ZC3H6: variants seen among roughly 807,000 people sequenced by gnomAD.
ZC3H6 encodes the protein zinc finger CCCH domain-containing protein 6.
In ZC3H6, 40 loss-of-function variants were observed where a neutral mutation model predicts 107.7. The observed-to-expected ratio is 0.37, with a 90% CI of 0.29 to 0.48. The LOEUF (loss-of-function observed/expected upper bound fraction) is 0.48, where lower values mean the gene tolerates loss of function less well. Ranked by LOEUF, ZC3H6 falls within the 20% of genes least tolerant of loss-of-function variation. ZC3H6 has a pLI of 0.98. For missense variants in ZC3H6, 1,267 were observed against 1,410.4 expected (o/e 0.90, Z 1.63); for synonymous variants, 493 against 487.9 (o/e 1.01, Z -0.14).
In ZC3H6 at chr2:112,335,964, G is replaced by A. The variant is rs1431552395; in HGVS notation, c.*3476G>A. The A allele has an allele frequency of 6.6e-6, 1 of 152,140 alleles. No individual in the cohort carries two copies. Among genetic ancestry groups the A allele is most frequent in the Non-Finnish European group, 1.5e-5 (1 of 68,036 alleles). The allele number at this position is 152,140 out of a possible 1,614,324, so 9.4% of individuals were successfully genotyped here. A position where few individuals can be genotyped will look rare whatever the true frequency, so the allele number is the denominator to read the frequency against. On this transcript the variant is annotated 3_prime_UTR_variant, in exon 12 of 12. Coordinates refer to ENST00000409871, the MANE Select transcript of ZC3H6 (RefSeq NM_198581.3). ...GCTATGACAGTTCATGGTGCATGGT[G>A]TGTTTGTTTAAATCATAGCATGTTT...
Position 112,335,405 on chromosome 2 carries a change from A to G in ZC3H6, c.*2917A>G, listed in dbSNP as rs1677121747. The stretch of plus-strand genomic sequence containing the variant: ...AGTAGTAAATCCTGTGTGAACTTTT[A>G]GCTCAGCTACTCTGCTGAATTAATT... On this transcript the variant is annotated 3_prime_UTR_variant, in exon 12 of 12. Coordinates refer to ENST00000409871, the MANE Select transcript of ZC3H6 (RefSeq NM_198581.3). 5 of 152,298 alleles carry G rather than the reference A, an allele frequency of 3.3e-5. No individual in the cohort carries two copies. The South Asian group carries it at 1.0e-3, about 32-fold the overall frequency. The allele number at this position is 152,298 out of a possible 1,614,324, so 9.4% of individuals were successfully genotyped here.
chr2:112,336,259 C>T lies in ZC3H6; in HGVS notation c.*3771C>T, dbSNP rs971385080. On this transcript the variant is annotated 3_prime_UTR_variant, in exon 12 of 12. Transcript: ENST00000409871. ...AGAATCTGTGGTGGAGATGTTTTCC[C>T]TGATGTTTTTGGAGGGTTGGACTGT... 1 of 152,182 alleles carries T rather than the reference C, an allele frequency of 6.6e-6. No individual in the cohort carries two copies. The highest frequency in any genetic ancestry group is 1.5e-5 in the Non-Finnish European group (1 of 68,064). The allele number at this position is 152,182 out of a possible 1,614,324, so 9.4% of individuals were successfully genotyped here.
chr2:112,279,130 C>G (rs1260691730), intron 1 of ZC3H6, among the ~76,000 whole-genome samples: 1 of 152,146 alleles, frequency 6.6e-6, no homozygotes, highest in Non-Finnish European at 1.5e-5. Context: ...AAGCCCAGAG[C>G]CTAGTTTCTA....
At chr2:112,276,677 T>C (rs1686433166) in intron 1 of ZC3H6, among the ~76,000 whole-genome samples, 1 of 152,216 alleles carries the variant, frequency 6.6e-6, no homozygotes, top group African/African-American at 2.4e-5. Context: ...CTAGATGGTG[T>C]GTATCACTTG....
chr2:112,304,797 T>A (rs1036710372), intron 3 of ZC3H6, among the ~76,000 whole-genome samples: 2 of 152,248 alleles, frequency 1.3e-5, no homozygotes, highest in Non-Finnish European at 2.9e-5. Context: ...ACAAGAGCAC[T>A]ATTTTTTCTC....
Position 112,331,246 on chromosome 2 carries a change from A to G in ZC3H6, c.2328A>G (p.Pro776=). 6.2e-7 allele frequency: 1 copy of G among 1,613,826 alleles called. No homozygotes were observed. Among genetic ancestry groups the G allele is most frequent in the Non-Finnish European group, 8.5e-7 (1 of 1,179,862 alleles). The change falls in exon 12 of 12, where the codon CCA becomes CCG. Residue 776 remains proline, a synonymous_variant. Transcript: ENST00000409871. ...QDIRKPSESA[P]LDLRLAWDPR... The stretch of plus-strand genomic sequence containing the variant: ...TTAGAAAGCCTTCTGAGTCTGCCCC[A>G]CTGGATCTTAGACTTGCGTGGGATC...
Position 112,338,676 on chromosome 2 carries a change from T to A in ZC3H6, c.*6188T>A, listed in dbSNP as rs1677178852. On this transcript the variant is annotated 3_prime_UTR_variant, in exon 12 of 12. Transcript: ENST00000409871. ...ACTGATTTTAATACCTTCATGAGAGTATTAAGGTTGAAAGGAATGGTGAAA... is the reference window on the plus strand; with the variant it reads ...ACTGATTTTAATACCTTCATGAGAGAATTAAGGTTGAAAGGAATGGTGAAA... The A allele has an allele frequency of 6.6e-6, 1 of 151,788 alleles. No individual in the cohort carries two copies. Among genetic ancestry groups the A allele is most frequent in the Admixed American group, 6.6e-5 (1 of 15,218 alleles). 9.4% of individuals were successfully genotyped at this position (151,788 alleles called of 1,614,324 possible). A position where few individuals can be genotyped will look rare whatever the true frequency, so the allele number is the denominator to read the frequency against.
intron 11 of ZC3H6, 33 bp downstream of exon 11, chr2:112,325,230 A>G (rs773743978): frequency 1.9e-6 from 3 of 1,599,982 alleles, no homozygotes; most frequent in African/African-American, 1.3e-5. Context: ...CATCTTACCT[A>G]TTTGGATGGG....
intron 7 of ZC3H6, 92 bp from the exon 8 acceptor site, chr2:112,321,664 C>A: frequency 1.6e-6 from 1 of 623,358 alleles, no homozygotes; most frequent in Non-Finnish European, 2.7e-6. Context: ...ATCTCTAGAA[C>A]TTAACTATCT....
chr2:112,332,510 C>CT lies in ZC3H6; in HGVS notation c.*26dup. On this transcript the variant is annotated 3_prime_UTR_variant, in exon 12 of 12. Transcript: ENST00000409871. ...TTAGCTATTGTGTAACTGAGCAATTCTTTTCACTCTTGTGACTATCTCAGT... is the reference window on the plus strand; with the variant it reads ...TTAGCTATTGTGTAACTGAGCAATTCTTTTTCACTCTTGTGACTATCTCAGT... The CT allele has an allele frequency of 3.8e-6, 6 of 1,578,952 alleles. No homozygotes were observed. Among genetic ancestry groups the CT allele is most frequent in the Non-Finnish European group, 5.2e-6 (6 of 1,164,288 alleles).
Position 112,276,013 on chromosome 2 carries a change from G to T in ZC3H6, c.19G>T (p.Ala7Ser), listed in dbSNP as rs1478238284. The change falls in exon 1 of 12, where the codon GCA (alanine) becomes TCA (serine). Residue 7 changes from alanine to serine, a missense_variant. Coordinates refer to ENST00000409871, the MANE Select transcript of ZC3H6 (RefSeq NM_198581.3). ...ACCAAACATGACAGACTCTGAACAT[G>T]CAGGGCACGACAGGTCGGGAACCCT... MTDSEH[A>S]GHDREDGELE... is the part of the protein sequence containing the mutation. 6.5e-7 allele frequency: 1 copy of T among 1,541,672 alleles called. No individual in the cohort carries two copies. Among genetic ancestry groups the T allele is most frequent in the Non-Finnish European group, 8.7e-7 (1 of 1,143,310 alleles).
Position 112,275,885 on chromosome 2 carries a change from G to C in ZC3H6, c.-110G>C. On this transcript the variant is annotated 5_prime_UTR_variant, in exon 1 of 12. Coordinates refer to ENST00000409871, the MANE Select transcript of ZC3H6 (RefSeq NM_198581.3). Reference sequence around the variant, plus strand: ...GTTTTTACCACTTCGTCACCTGTCGGCGGCGGCCGGGAGCAGGTTCCCGCA... The same window carrying C: ...GTTTTTACCACTTCGTCACCTGTCGCCGGCGGCCGGGAGCAGGTTCCCGCA... 1 of 853,580 alleles carries C rather than the reference G, an allele frequency of 1.2e-6. No individual in the cohort carries two copies. The highest frequency in any genetic ancestry group is 3.0e-5 in the East Asian group (1 of 33,696). The allele number at this position is 853,580 out of a possible 1,614,324, so 52.9% of individuals were successfully genotyped here.
rs201373001 is a variant in ZC3H6 at position 112,324,469 on chromosome 2, C to T, written c.1658C>T (p.Ser553Phe). ...TPPSMGGAYH[S>F]PGFPGHVMKV... ...CCAAGTATGGGTGGGGCTTACCACTCCCCAGGCTTTCCAGGACATGTGATG... is the reference window on the plus strand; with the variant it reads ...CCAAGTATGGGTGGGGCTTACCACTTCCCAGGCTTTCCAGGACATGTGATG... The change falls in exon 10 of 12, where the codon TCC (serine) becomes TTC (phenylalanine). Residue 553 changes from serine (S) to phenylalanine (F), a missense_variant. Around this residue, in one of 3 missense-constraint regions of ZC3H6, gnomAD observed 925 missense variants for 1,025.7 expected, o/e 0.90. Transcript: ENST00000409871. 1 of 1,613,882 alleles carries T rather than the reference C, an allele frequency of 6.2e-7. No homozygotes were observed. Among genetic ancestry groups the T allele is most frequent in the African/African-American group, 1.3e-5 (1 of 75,046 alleles).
rs1409385285 is a variant in ZC3H6, at chr2:112,317,191, C to CTTTT, written c.865-27_865-24dup. The CTTTT allele has an allele frequency of 8.0e-6, 9 of 1,118,102 alleles. 1 individual carries two copies. The highest frequency in any genetic ancestry group is 6.5e-5 in the East Asian group (2 of 30,758). 69.3% of individuals were successfully genotyped at this position (1,118,102 alleles called of 1,614,324 possible). On this transcript the variant is annotated intron_variant, in intron 6 of 11. Coordinates refer to ENST00000409871, the MANE Select transcript of ZC3H6 (RefSeq NM_198581.3). ...TTCTCATTGTTTCTTACCTTTTTTT[C>CTTTT]TTTTTTCTTTTTTTTTTTTTTGTGA...
intron 1 of ZC3H6, among the ~76,000 whole-genome samples, chr2:112,281,420 A>G (rs1239471165): frequency 1.3e-5 from 2 of 152,188 alleles, no homozygotes; most frequent in East Asian, 3.9e-4. Flanking sequence ...TCTATGGTAT[A>G]TGGTAAGTGA....
intron 11 of ZC3H6, among the ~76,000 whole-genome samples, chr2:112,325,515 A>G (rs1676891012): frequency 6.6e-6 from 1 of 152,084 alleles, no homozygotes. Context: ...TTTCCAATGT[A>G]TTTCATAGCC....
At chr2:112,322,946 A>G (rs1573963751) in intron 9 of ZC3H6, 44 bp downstream of exon 9, 7 of 1,532,752 alleles carry the variant, frequency 4.6e-6, no homozygotes, top group Non-Finnish European at 6.1e-6. Flanking sequence ...TTTTTTTCTG[A>G]AAATTATCAT....
At position 112,324,176 on chromosome 2, in the gene ZC3H6, C is replaced by G; in HGVS notation, c.1365C>G (p.Ala455=). 1 of 1,586,416 alleles carries G rather than the reference C, an allele frequency of 6.3e-7. No homozygotes were observed. The highest frequency in any genetic ancestry group is 1.1e-5 in the South Asian group (1 of 89,388). ...GRKPPAFYTS[A]SPPGPQFQGS... is the part of the protein sequence containing the mutation. ...GGCCACCAGCATTTTATACCAGTGC[C>G]TCACCACCAGGACCACAATTTCAGG... The change falls in exon 10 of 12, where the codon GCC becomes GCG. Residue 455 remains alanine, a synonymous_variant. Transcript: ENST00000409871.
intron 1 of ZC3H6, among the ~76,000 whole-genome samples, chr2:112,291,279 G>C (rs1676109219): frequency 6.6e-6 from 1 of 152,178 alleles, no homozygotes; most frequent in African/African-American, 2.4e-5. Context: ...TGTCGGCCAG[G>C]CTGGAGTGCA....
Sources: allele counts gnomAD v4.1 joint callset (sites outside exome capture counted in the v4.1 genomes callset), GRCh38; gene constraint gnomAD v4.1.1; regional missense constraint gnomAD v4.1.1; transcripts MANE v1.5; gene names NCBI Gene and HGNC (gene_info 2026-07-23, HGNC 2026-07-21).